The following FBXO11 variants were observed in gnomAD, a reference collection of about 807,000 sequenced individuals.
FBXO11 encodes the protein F-box protein 11.
In FBXO11, 13 loss-of-function variants were observed where a neutral mutation model predicts 117.0. The ratio of observed to expected loss-of-function variants is 0.11; its 90% CI spans 0.07 to 0.18. The LOEUF (loss-of-function observed/expected upper bound fraction) is 0.18. Among genes scored for constraint, FBXO11 ranks in the 10% least tolerant of loss-of-function variants. The pLI, the probability that FBXO11 is intolerant of heterozygous loss-of-function variation, is 1.00. For synonymous variants in FBXO11, 490 were observed against 380.5 expected, an observed-to-expected ratio of 1.29 and a Z score of -3.35; for missense variants, 767 against 1,164.4, an observed-to-expected ratio of 0.66 and a Z score of 4.97.
chr2:47,839,068 A>C, intron 3 of FBXO11, 65 bp from the exon 4 acceptor site: 3 of 1,501,230 alleles, frequency 2.0e-6, no homozygotes, highest in Non-Finnish European at 2.7e-6. Context: ...TAAAGAACAC[A>C]GTTTTCATTT....
At chr2:47,900,508 T>C (rs910920734) in intron 1 of FBXO11, among the ~76,000 whole-genome samples, 20 of 149,810 alleles carry the variant, frequency 1.3e-4, no homozygotes, top group African/African-American at 3.9e-4. Context: ...ATATTATAAA[T>C]ATACAGCTCA....
chr2:47,882,260 C>T (rs947088539), intron 1 of FBXO11, among the ~76,000 whole-genome samples: 1 of 152,188 alleles, frequency 6.6e-6, no homozygotes, highest in Middle Eastern at 3.4e-3. Flanking sequence ...AAATGTTGTT[C>T]GACTGGGGTT....
At chr2:47,827,013 A>C (rs1004374769) in intron 11 of FBXO11, among the ~76,000 whole-genome samples, 1 of 152,234 alleles carries the variant, frequency 6.6e-6, no homozygotes, top group East Asian at 1.9e-4. Context: ...GCATGCAGTC[A>C]TTTACCACAT....
At chr2:47,855,623 C>G (rs185807805) in intron 1 of FBXO11, among the ~76,000 whole-genome samples, 2 of 152,218 alleles carry the variant, frequency 1.3e-5, no homozygotes, top group African/African-American at 4.8e-5. Flanking sequence ...CACCTGAAGT[C>G]AGGAGTTCGA....
chr2:47,896,913 C>T (rs1677710724), intron 1 of FBXO11, among the ~76,000 whole-genome samples: 2 of 152,166 alleles, frequency 1.3e-5, no homozygotes, highest in Non-Finnish European at 2.9e-5. Context: ...CTATTTCTCT[C>T]AACAAATCTT....
intron 1 of FBXO11, among the ~76,000 whole-genome samples, chr2:47,858,775 T>C (rs983546249): frequency 6.6e-6 from 1 of 150,918 alleles, no homozygotes; most frequent in African/African-American, 2.4e-5. Context: ...TCGGGCGCAG[T>C]GGCTTATGCC....
At chr2:47,868,398 G>C (rs904390697) in intron 1 of FBXO11, among the ~76,000 whole-genome samples, 8 of 151,922 alleles carry the variant, frequency 5.3e-5, no homozygotes, top group Admixed American at 1.3e-4. Context: ...CACAGTGTGG[G>C]CCTTTTAACA....
At chr2:47,844,812 T>C (rs1673284650) in intron 1 of FBXO11, among the ~76,000 whole-genome samples, 1 of 152,170 alleles carries the variant, frequency 6.6e-6, no homozygotes, top group Admixed American at 6.5e-5. Context: ...AATTTTTGTA[T>C]TTCTGTAGAG....
At chr2:47,886,608 T>C (rs1308683701) in intron 1 of FBXO11, among the ~76,000 whole-genome samples, 2 of 152,184 alleles carry the variant, frequency 1.3e-5, no homozygotes, top group African/African-American at 4.8e-5. Flanking sequence ...ATACAAGAAT[T>C]TAAATGTTAA....
intron 1 of FBXO11, among the ~76,000 whole-genome samples, chr2:47,872,066 C>T (rs1265506116): frequency 2.0e-5 from 3 of 152,024 alleles, no homozygotes; most frequent in African/African-American, 7.2e-5. Context: ...TTTCTTTTTC[C>T]GGCACCATTT....
At position 47,813,461 on chromosome 2, in the gene FBXO11, C is replaced by T. The variant is rs550363809; in HGVS notation, c.2084-84G>A. Reference sequence around the variant, plus strand: ...TTTTTTTTTTTTTGAGACAGAGTCTCGCTCTGTTGCCAGGCTGGAGTGTGC... The same window carrying T: ...TTTTTTTTTTTTTGAGACAGAGTCTTGCTCTGTTGCCAGGCTGGAGTGTGC... On this transcript the variant is annotated intron_variant, in intron 17 of 22. Transcript: ENST00000403359. 408 of 621,022 alleles carry T rather than the reference C, an allele frequency of 6.6e-4. 1 individual carries two copies. Among genetic ancestry groups the T allele is most frequent in the Admixed American group, 1.9e-3 (31 of 16,352 alleles). The allele number at this position is 621,022 out of a possible 1,614,324, so 38.5% of individuals were successfully genotyped here.
chr2:47,843,735 C>T (rs1176734885), intron 1 of FBXO11, among the ~76,000 whole-genome samples: 1 of 149,384 alleles, frequency 6.7e-6, no homozygotes, highest in Non-Finnish European at 1.5e-5. Context: ...TTTGCTGCTG[C>T]TTCTTCTTCT....
intron 1 of FBXO11, among the ~76,000 whole-genome samples, chr2:47,846,438 G>C (rs531476079): frequency 6.6e-6 from 1 of 152,248 alleles, no homozygotes; most frequent in South Asian, 2.1e-4. Flanking sequence ...TTGCACTCCA[G>C]CCTGGGCAAC....
chr2:47,808,040 A>G lies in FBXO11; in HGVS notation c.*78T>C. 6 of 1,320,744 alleles carry G rather than the reference A, an allele frequency of 4.5e-6. No homozygotes were observed. Among genetic ancestry groups the G allele is most frequent in the Non-Finnish European group, 5.3e-6 (5 of 949,706 alleles). The allele number at this position is 1,320,744 out of a possible 1,614,324, so 81.8% of individuals were successfully genotyped here. A position where few individuals can be genotyped will look rare whatever the true frequency, so the allele number is the denominator to read the frequency against. ...CAGTCTCTTCCTGTAGCATGGGCAA[A>G]TATTTTAAATCTTCTTCCAAAAAAG... On this transcript the variant is annotated 3_prime_UTR_variant, in exon 23 of 23. Transcript: ENST00000403359.
At position 47,806,990 on chromosome 2, in the gene FBXO11, TTTAATTC is replaced by T. The variant is rs1182907498; in HGVS notation, c.*1121_*1127del. The T allele has an allele frequency of 1.9e-5, 14 of 745,198 alleles. No individual in the cohort carries two copies. Among genetic ancestry groups the T allele is most frequent in the Non-Finnish European group, 3.0e-5 (13 of 433,040 alleles). The allele number at this position is 745,198 out of a possible 1,614,324, so 46.2% of individuals were successfully genotyped here. ...TTTTCTTTCTAGGAAATTAAACCCT[TTTAATTC>T]TTATCTACCTTCTACATAATGGTTA... On this transcript the variant is annotated 3_prime_UTR_variant, in exon 23 of 23. Coordinates refer to ENST00000403359, the MANE Select transcript of FBXO11 (RefSeq NM_001190274.2).
chr2:47,813,058 G>C (rs1005061001), intron 18 of FBXO11, 176 bp downstream of exon 18: 4 of 663,776 alleles, frequency 6.0e-6, no homozygotes, highest in Admixed American at 5.1e-5. Flanking sequence ...GAAAAGTATT[G>C]TAAACATTTG....
chr2:47,847,446 C>A (rs970609356), intron 1 of FBXO11, among the ~76,000 whole-genome samples: 8 of 152,202 alleles, frequency 5.3e-5, no homozygotes. Context: ...TGGTGGCTCA[C>A]GCCTGTAATC....
At chr2:47,858,679 C>T (rs1417637694) in intron 1 of FBXO11, among the ~76,000 whole-genome samples, 3 of 104,832 alleles carry the variant, frequency 2.9e-5, no homozygotes, top group Admixed American at 2.8e-4. Context: ...GAGACTCTGC[C>T]TCAAAAAAAA....
intron 1 of FBXO11, among the ~76,000 whole-genome samples, chr2:47,841,195 C>T (rs930106077): frequency 2.6e-5 from 4 of 151,888 alleles, no homozygotes; most frequent in Non-Finnish European, 5.9e-5. Flanking sequence ...AAGACTCCGT[C>T]TCAAAAAAAA....
Sources: allele counts gnomAD v4.1 joint callset (sites outside exome capture counted in the v4.1 genomes callset), GRCh38; gene constraint gnomAD v4.1.1; transcripts MANE v1.5; gene names NCBI Gene and HGNC (gene_info 2026-07-23, HGNC 2026-07-21).